Variants in BBOF1 observed in about 807,000 individuals in gnomAD.
The protein encoded by BBOF1 is basal body-orientation factor 1.
BBOF1 carries 62 observed loss-of-function variants against 68.0 expected under a neutral mutation model. The ratio of observed to expected loss-of-function variants is 0.91; its 90% CI spans 0.74 to 1.13. The LOEUF is 1.13. Ranked by LOEUF, BBOF1 falls within the 50% of genes most tolerant of loss-of-function variation. The probability of loss-of-function intolerance (pLI) is 0.00; values close to 1 mark genes in which losing one functional copy is unlikely to be tolerated. For missense variants in BBOF1, 534 were observed against 600.1 expected, an observed-to-expected ratio of 0.89 and a Z score of 1.15; for synonymous variants, 208 against 198.8, an observed-to-expected ratio of 1.05 and a Z score of -0.39.
chr14:74,081,515 G>A (rs908816303), intron 12 of BBOF1, among the ~76,000 whole-genome samples: 1 of 152,106 alleles, frequency 6.6e-6, no homozygotes, highest in Non-Finnish European at 1.5e-5. Context: ...TGACAGGTTC[G>A]ATCTTCTATC....
chr14:74,078,221 ACTT>A (rs1455111469), exon 10 of BBOF1: 1 of 456,070 alleles, frequency 2.2e-6, no homozygotes, highest in Non-Finnish European at 4.4e-6. Context: ...TCAGATGAGA[ACTT>A]CTCAACTTCC....
At chr14:74,075,516 C>T (rs1175807391) in intron 9 of BBOF1, among the ~76,000 whole-genome samples, 1 of 151,880 alleles carries the variant, frequency 6.6e-6, no homozygotes, top group East Asian at 1.9e-4. Context: ...ATTAGCCAGG[C>T]AGTGGTGGCA....
At chr14:74,032,474 A>C (rs1279626642) in intron 3 of BBOF1, among the ~76,000 whole-genome samples, 1 of 148,246 alleles carries the variant, frequency 6.7e-6, no homozygotes, top group Non-Finnish European at 1.5e-5. Context: ...GGTATTTTTC[A>C]ATTTACGTTT....
chr14:74,067,247 A>G (rs2060481452), downstream of BBOF1: 2 of 1,082,998 alleles, frequency 1.8e-6, no homozygotes, highest in South Asian at 2.6e-5. Flanking sequence ...ACTCCAAATG[A>G]CAAGTACAGT....
chr14:74,076,695 C>A (rs943095744), intron 9 of BBOF1, among the ~76,000 whole-genome samples: 2 of 152,090 alleles, frequency 1.3e-5, no homozygotes, highest in Admixed American at 1.3e-4. Flanking sequence ...CGCCACCATG[C>A]CTGGCTAATT....
intron 11 of BBOF1, among the ~76,000 whole-genome samples, chr14:74,062,887 C>G (rs1317497554): frequency 6.6e-6 from 1 of 152,220 alleles, no homozygotes; most frequent in East Asian, 1.9e-4. Context: ...CAAAATGGCT[C>G]TAGTCCTATG....
At position 74,057,569 on chromosome 14, in the gene BBOF1, C is replaced by A. The variant is rs2060244805; in HGVS notation, c.1578+311C>A. 2.5e-5 allele frequency: 33 copies of A among 1,329,022 alleles called. 2 individuals are homozygous for A. In the South Asian group the frequency reaches 4.2e-4, roughly 17 times the overall value. 82.3% of individuals were successfully genotyped at this position (1,329,022 alleles called of 1,614,324 possible). On this transcript the variant is annotated intron_variant, in intron 11 of 11. Coordinates refer to ENST00000394009, the MANE Select transcript of BBOF1 (RefSeq NM_025057.3). The stretch of plus-strand genomic sequence containing the variant: ...GAGTAAACATAGTGACCTTGTGACT[C>A]TTAGCTTTCCATCACAGGTGGGAAG...
At chr14:74,030,424 TTA>T (rs993907703) in intron 3 of BBOF1, among the ~76,000 whole-genome samples, 3 of 152,068 alleles carry the variant, frequency 2.0e-5, no homozygotes, top group Admixed American at 2.0e-4. Flanking sequence ...TTTTAAAAAA[TTA>T]GTTTTGCCTA....
chr14:74,057,852 G>T, intron 11 of BBOF1: 1 of 1,031,144 alleles, frequency 9.7e-7, no homozygotes, highest in Non-Finnish European at 1.2e-6. Context: ...CAAATAGTTG[G>T]CCAGATGAGT....
chr14:74,044,652 G>A (rs1295643049), intron 5 of BBOF1, among the ~76,000 whole-genome samples: 2 of 151,930 alleles, frequency 1.3e-5, no homozygotes, highest in Non-Finnish European at 2.9e-5. Context: ...TTGGCCAGGC[G>A]CGGTGGTTCA....
chr14:74,071,633 G>A (rs1383140567), intron 9 of BBOF1: 3 of 1,559,882 alleles, frequency 1.9e-6, no homozygotes, highest in East Asian at 2.3e-5. Flanking sequence ...GCCCTTCCAA[G>A]TTAAGGGTTT....
chr14:74,025,907 G>T (rs911546473), intron 2 of BBOF1, among the ~76,000 whole-genome samples: 1 of 147,158 alleles, frequency 6.8e-6, no homozygotes, highest in Non-Finnish European at 1.5e-5. Context: ...TGGCGGGGTG[G>T]GGGGGGTGCA....
intron 5 of BBOF1, among the ~76,000 whole-genome samples, chr14:74,042,300 T>C (rs1414959410): frequency 6.6e-6 from 1 of 152,238 alleles, no homozygotes; most frequent in Admixed American, 6.5e-5. Flanking sequence ...AGACCCTCCC[T>C]GGCACTGTCA....
intron 5 of BBOF1, among the ~76,000 whole-genome samples, chr14:74,041,315 G>A (rs747263694): frequency 1.1e-4 from 16 of 152,022 alleles, no homozygotes; most frequent in Non-Finnish European, 1.6e-4. Flanking sequence ...ATAAAAAAAA[G>A]TTCCTTAGCA....
intron 2 of BBOF1, among the ~76,000 whole-genome samples, chr14:74,024,535 G>A (rs1026584643): frequency 8.6e-5 from 13 of 152,008 alleles, no homozygotes; most frequent in East Asian, 1.9e-4. Context: ...GTATGATCAC[G>A]GCTCACCACA....
chr14:74,021,944 G>A (rs148194831), intron 1 of BBOF1, among the ~76,000 whole-genome samples: 171 of 152,156 alleles, frequency 1.1e-3, no homozygotes, highest in African/African-American at 4.0e-3. Context: ...AAAAGTGGAG[G>A]GTAAAGTGGG....
At chr14:74,063,221 C>G (rs1372060797) in intron 11 of BBOF1, among the ~76,000 whole-genome samples, 3 of 149,530 alleles carry the variant, frequency 2.0e-5, no homozygotes, top group African/African-American at 2.5e-5. Context: ...GAGTCTTGCT[C>G]TGTTGCCCAG....
chr14:74,067,422 G>A (rs562588562), downstream of BBOF1: 1 of 1,613,814 alleles, frequency 6.2e-7, no homozygotes, highest in South Asian at 1.1e-5. Context: ...ACCAGCTCTG[G>A]CAGCCACTTC....
intron 9 of BBOF1, among the ~76,000 whole-genome samples, chr14:74,076,401 G>A (rs189072733): frequency 1.3e-5 from 2 of 152,110 alleles, no homozygotes; most frequent in Admixed American, 6.5e-5. Context: ...TCACTCTGTC[G>A]CCCAGGCTGG....
Sources: allele counts gnomAD v4.1 joint callset (sites outside exome capture counted in the v4.1 genomes callset), GRCh38; gene constraint gnomAD v4.1.1; transcripts MANE v1.5; gene names NCBI Gene and HGNC (gene_info 2026-07-23, HGNC 2026-07-21).